The following FAM227B variants were observed in gnomAD, a reference collection of about 807,000 sequenced individuals.
FAM227B encodes the protein family with sequence similarity 227 member B.
Under a neutral mutation model 73.8 loss-of-function variants are expected in FAM227B, and 88 were observed. That is an observed-to-expected ratio of 1.19 (90% CI 1.00 to 1.42). The LOEUF is 1.42. Ranked by LOEUF, FAM227B falls within the 40% of genes most tolerant of loss-of-function variation. FAM227B has a pLI of 0.00. For synonymous variants in FAM227B, 210 were observed against 190.5 expected (o/e 1.10, Z -0.84); for missense variants, 632 against 590.9 (o/e 1.07, Z -0.72).
intron 10 of FAM227B, among the ~76,000 whole-genome samples, chr15:49,535,398 A>C (rs1026772821): frequency 6.6e-6 from 1 of 151,830 alleles, no homozygotes; most frequent in Admixed American, 6.6e-5. Context: ...GGAACATACC[A>C]ACAACAAATA....
intron 11 of FAM227B, among the ~76,000 whole-genome samples, chr15:49,427,461 C>T (rs1306772151): frequency 6.6e-6 from 1 of 151,816 alleles, no homozygotes; most frequent in Non-Finnish European, 1.5e-5. Flanking sequence ...TGTTTTGATG[C>T]CTTAAATTTT....
intron 11 of FAM227B, chr15:49,422,460 T>G (rs2049768081): frequency 3.5e-6 from 4 of 1,156,486 alleles, no homozygotes; most frequent in Non-Finnish European, 4.4e-6. Flanking sequence ...AATCAAACAC[T>G]GATAATCAAT....
At chr15:49,338,792 T>C (rs1567099839) in intron 13 of FAM227B, among the ~76,000 whole-genome samples, 2 of 152,350 alleles carry the variant, frequency 1.3e-5, no homozygotes, top group East Asian at 1.9e-4. Flanking sequence ...TCTTTTCACA[T>C]AGTCCCATAT....
At chr15:49,605,953 A>G (rs1278032833) in intron 3 of FAM227B, among the ~76,000 whole-genome samples, 1 of 152,178 alleles carries the variant, frequency 6.6e-6, no homozygotes, top group East Asian at 1.9e-4. Context: ...GGGCTTGCAC[A>G]GTCCTCTTGC....
intron 3 of FAM227B, among the ~76,000 whole-genome samples, chr15:49,605,851 T>G (rs1300439272): frequency 6.6e-6 from 1 of 152,020 alleles, no homozygotes; most frequent in Non-Finnish European, 1.5e-5. Context: ...CTGAGAGGGA[T>G]AGCCTGGGGC....
At chr15:49,384,441 G>T (rs2046748767) in intron 11 of FAM227B, among the ~76,000 whole-genome samples, 1 of 151,952 alleles carries the variant, frequency 6.6e-6, no homozygotes, top group Non-Finnish European at 1.5e-5. Context: ...GTGGGGATGG[G>T]GTGGGGACGA....
At chr15:49,330,917 G>GCACT (rs1260638275) in intron 15 of FAM227B, 3 of 152,272 alleles carry the variant, frequency 2.0e-5, no homozygotes, top group Non-Finnish European at 2.9e-5. Flanking sequence ...CTGCAGCACT[G>GCACT]CACTCCAGCC....
intron 13 of FAM227B, among the ~76,000 whole-genome samples, chr15:49,360,741 A>G (rs2044080082): frequency 6.6e-6 from 1 of 152,184 alleles, no homozygotes; most frequent in Admixed American, 6.6e-5. Context: ...AACTCCAAAG[A>G]TCATCCAAAA....
At chr15:49,474,912 T>TA (rs1017045218) in intron 11 of FAM227B, among the ~76,000 whole-genome samples, 4 of 152,200 alleles carry the variant, frequency 2.6e-5, no homozygotes, top group African/African-American at 9.7e-5. Context: ...ACTGTTGGTT[T>TA]AGAGTATCAT....
intron 3 of FAM227B, among the ~76,000 whole-genome samples, chr15:49,598,886 A>AT (rs1489458246): frequency 6.6e-6 from 1 of 152,058 alleles, no homozygotes; most frequent in African/African-American, 2.4e-5. Context: ...ACTATTCATC[A>AT]TAAGAGATAA....
chr15:49,484,462 A>G, intron 11 of FAM227B: 2 of 1,579,752 alleles, frequency 1.3e-6, no homozygotes, highest in Non-Finnish European at 1.7e-6. Context: ...AAACGAAGAA[A>G]GAACAAAAAA....
chr15:49,501,375 C>G (rs2058117845), intron 11 of FAM227B, among the ~76,000 whole-genome samples: 1 of 152,186 alleles, frequency 6.6e-6, no homozygotes, highest in Non-Finnish European at 1.5e-5. Context: ...GGAACTGGAG[C>G]AAAGGTCATC....
At chr15:49,575,650 A>G (rs1026405544) in intron 7 of FAM227B, among the ~76,000 whole-genome samples, 4 of 152,194 alleles carry the variant, frequency 2.6e-5, no homozygotes, top group Non-Finnish European at 5.9e-5. Flanking sequence ...CATATGCTCA[A>G]TAATCATATT....
At chr15:49,369,265 T>C (rs897289829) in intron 12 of FAM227B, among the ~76,000 whole-genome samples, 2 of 152,146 alleles carry the variant, frequency 1.3e-5, no homozygotes, top group South Asian at 2.1e-4. Flanking sequence ...CCTGGTGTTT[T>C]GGTTTTTAAA....
At position 49,364,810 on chromosome 15, in the gene FAM227B, G is replaced by A. The variant is rs1407963018; in HGVS notation, c.1271+2638C>T. On this transcript the variant is annotated intron_variant, in intron 13 of 15. Coordinates refer to ENST00000299338, the MANE Select transcript of FAM227B (RefSeq NM_152647.3). ...ATACTTTTATCTACCATTAGAGTTG[G>A]AAGAAACATTTGAGTAAAAAAGCAT... 2.0e-5 allele frequency among the ~76,000 whole-genome samples: 3 copies of A among 151,558 alleles called. No homozygotes were observed. The East Asian group carries it at 5.8e-4, about 29-fold the overall frequency.
At chr15:49,358,336 C>T (rs1399718482) in intron 13 of FAM227B, among the ~76,000 whole-genome samples, 1 of 118,318 alleles carries the variant, frequency 8.5e-6, no homozygotes, top group African/African-American at 3.3e-5. Flanking sequence ...ATGTAGAAAA[C>T]CCCATTGTCT....
intron 11 of FAM227B, among the ~76,000 whole-genome samples, chr15:49,421,806 A>G (rs1418342724): frequency 6.6e-6 from 1 of 152,174 alleles, no homozygotes; most frequent in East Asian, 1.9e-4. Flanking sequence ...ACACAATAAC[A>G]TTATATTTTC....
At chr15:49,567,637 T>C (rs1363683823) in intron 9 of FAM227B, among the ~76,000 whole-genome samples, 1 of 152,146 alleles carries the variant, frequency 6.6e-6, no homozygotes, top group East Asian at 1.9e-4. Flanking sequence ...ATTTACAAAT[T>C]GCTAATGCAA....
At chr15:49,371,228 ACAGCACAG>A in intron 12 of FAM227B, 66 bp downstream of exon 12, 1 of 850,798 alleles carries the variant, frequency 1.2e-6, no homozygotes, top group Non-Finnish European at 2.0e-6. Flanking sequence ...TTGCCTATGT[ACAGCACAG>A]TCAATTGCAA....
Sources: gnomAD v4.1 joint callset for allele counts (sites outside exome capture counted in the v4.1 genomes callset) on GRCh38, gnomAD v4.1.1 for gene constraint, MANE v1.5 for transcripts, NCBI Gene and HGNC (gene_info 2026-07-23, HGNC 2026-07-21) for gene names.